TRMT2B: variants seen among roughly 807,000 people sequenced by gnomAD.
The protein encoded by TRMT2B is tRNA (uracil-5-)-methyltransferase homolog B.
In TRMT2B, 34 loss-of-function variants were observed where a neutral mutation model predicts 39.7. The ratio of observed to expected loss-of-function variants is 0.86; its 90% confidence interval spans 0.65 to 1.14. The LOEUF (loss-of-function observed/expected upper bound fraction) is 1.14. Ranked by LOEUF, TRMT2B falls within the 50% of genes most tolerant of loss-of-function variation. TRMT2B has a pLI of 0.00. For synonymous variants in TRMT2B, 132 were observed against 137.3 expected (o/e 0.96, Z 0.27); for missense variants, 318 against 377.2 (o/e 0.84, Z 1.30).
the TRMT2B span, among the ~76,000 whole-genome samples, chrX:100,997,782 TGA>T: frequency 8.9e-6 from 1 of 112,206 alleles, no homozygotes; most frequent in African/African-American, 3.2e-5. Flanking sequence ...GGTGACAAAA[TGA>T]GAGAAATAGC....
At position 101,051,600 on chromosome X, in the gene TRMT2B, G is replaced by A. The variant is rs2089099538; in HGVS notation, c.-373C>T. On this transcript the variant is annotated 5_prime_UTR_variant, in exon 2 of 14. Transcript: ENST00000372936. ...CCCGGGAAGGACAGAAAGTAAGGGA[G>A]TGGGAGGAGTTAGGGCACAGGCCCA... The A allele has an allele frequency of 4.0e-6, 3 of 754,896 alleles. No individual in the cohort carries two copies. Among genetic ancestry groups the A allele is most frequent in the Non-Finnish European group, 4.7e-6 (3 of 639,544 alleles). The allele number at this position is 754,896 out of a possible 1,213,427, so 62.2% of individuals were successfully genotyped here. A position where few individuals can be genotyped will look rare whatever the true frequency, so the allele number is the denominator to read the frequency against.
At chrX:100,980,014 G>A in the TRMT2B span, among the ~76,000 whole-genome samples, 1 of 110,922 alleles carries the variant, frequency 9.0e-6, no homozygotes, top group Non-Finnish European at 1.9e-5. Flanking sequence ...CACTCTTGTG[G>A]CCACGACCAC....
chrX:101,047,782 G>A (rs2088780688), intron 2 of TRMT2B, among the ~76,000 whole-genome samples: 2 of 110,133 alleles, frequency 1.8e-5, no homozygotes, highest in Non-Finnish European at 3.8e-5. Flanking sequence ...AGTAGGCCAA[G>A]ATTGCAACAG....
the TRMT2B span, chrX:100,974,133 G>A: frequency 3.4e-6 from 4 of 1,187,687 alleles, no homozygotes; most frequent in Non-Finnish European, 4.5e-6. Flanking sequence ...CTAGGAATGT[G>A]ACCATCCCTA....
At chrX:100,997,303 T>C in the TRMT2B span, among the ~76,000 whole-genome samples, 1 of 112,366 alleles carries the variant, frequency 8.9e-6, no homozygotes, top group African/African-American at 3.2e-5. Context: ...GTTGTAACTG[T>C]AGTTCAGAAA....
At chrX:100,978,355 C>CT in the TRMT2B span, among the ~76,000 whole-genome samples, 54 of 111,578 alleles carry the variant, frequency 4.8e-4, no homozygotes, top group East Asian at 3.1e-3. Context: ...CTCTTTAGCT[C>CT]TAATAATATT....
chrX:101,045,042 G>T (rs1357934221), intron 2 of TRMT2B, among the ~76,000 whole-genome samples: 3 of 105,194 alleles, frequency 2.9e-5, no homozygotes, highest in Non-Finnish European at 3.9e-5. Flanking sequence ...AAAAAAAAAG[G>T]GGGGGGTGGG....
chrX:101,028,850 G>A (rs2087275088), intron 7 of TRMT2B, among the ~76,000 whole-genome samples: 1 of 110,674 alleles, frequency 9.0e-6, no homozygotes, highest in Non-Finnish European at 1.9e-5. Context: ...ACAGGATATG[G>A]TTGTTTGTTA....
chrX:100,973,661 C>T, the TRMT2B span: 1 of 1,199,117 alleles, frequency 8.3e-7, no homozygotes, highest in African/African-American at 1.7e-5. Context: ...TTTCTTTCTT[C>T]TCTTAATATT....
At chrX:100,988,953 C>T in the TRMT2B span, among the ~76,000 whole-genome samples, 12,843 of 103,575 alleles carry the variant, frequency 0.12, 719 homozygotes, top group Admixed American at 0.16. Context: ...AGGATAATTA[C>T]GCAAGTACCC....
chrX:101,018,882 G>T, intron 13 of TRMT2B, 89 bp downstream of exon 13: 1 of 631,901 alleles, frequency 1.6e-6, no homozygotes, highest in Non-Finnish European at 2.6e-6. Flanking sequence ...TGACTTGAAA[G>T]CTCAAATCAC....
At chrX:101,043,293 G>A (rs2088365394) in intron 2 of TRMT2B, among the ~76,000 whole-genome samples, 1 of 110,417 alleles carries the variant, frequency 9.1e-6, no homozygotes, top group Non-Finnish European at 1.9e-5. Flanking sequence ...TAAATAAGGT[G>A]GGGAGAGGTG....
At chrX:101,046,320 G>A (rs771047953) in intron 2 of TRMT2B, among the ~76,000 whole-genome samples, 1 of 111,464 alleles carries the variant, frequency 9.0e-6, no homozygotes, top group African/African-American at 3.3e-5. Flanking sequence ...CTGGAGGCCT[G>A]GAGGCCAAGG....
At chrX:100,992,130 TATC>T in the TRMT2B span, among the ~76,000 whole-genome samples, 1 of 111,253 alleles carries the variant, frequency 9.0e-6, no homozygotes. Context: ...GATGATGTAT[TATC>T]ATACATACCC....
chrX:101,010,470 A>G lies in TRMT2B; in HGVS notation c.*111T>C. ...GATTCTTCCTATTCACAAACCAAAG[A>G]TTGGTTTCCACTGTAATGCTCCCAG... On this transcript the variant is annotated 3_prime_UTR_variant, in exon 14 of 14. Transcript: ENST00000372936. The G allele has an allele frequency of 1.1e-6, 1 of 915,975 alleles. No homozygotes were observed. The highest frequency in any genetic ancestry group is 1.5e-6 in the Non-Finnish European group (1 of 655,678). 75.5% of individuals were successfully genotyped at this position (915,975 alleles called of 1,213,427 possible).
intron 4 of TRMT2B, 104 bp from the exon 5 acceptor site, chrX:101,038,155 G>T: frequency 1.4e-6 from 1 of 713,674 alleles, no homozygotes; most frequent in African/African-American, 2.1e-5. Flanking sequence ...ATCACCTGAG[G>T]TTAGGAGTTC....
At chrX:101,040,504 G>A (rs761276110) in intron 4 of TRMT2B, among the ~76,000 whole-genome samples, 1 of 110,837 alleles carries the variant, frequency 9.0e-6, no homozygotes, top group African/African-American at 3.3e-5. Flanking sequence ...AGCTGAGTAT[G>A]GTCTCCTTTC....
At chrX:100,987,619 G>A in the TRMT2B span, 19 of 1,144,547 alleles carry the variant, frequency 1.7e-5, no homozygotes, top group African/African-American at 5.4e-5. Context: ...TCTTTCTCAC[G>A]AGCAAGGAGT....
the TRMT2B span, among the ~76,000 whole-genome samples, chrX:100,976,655 C>A: frequency 8.9e-6 from 1 of 112,425 alleles, no homozygotes; most frequent in Non-Finnish European, 1.9e-5. Flanking sequence ...TCTTGTTGCC[C>A]AAGCTGGAGT....
Sources: allele counts gnomAD v4.1 joint callset (sites outside exome capture counted in the v4.1 genomes callset), GRCh38; gene constraint gnomAD v4.1.1; transcripts MANE v1.5; gene names NCBI Gene and HGNC (gene_info 2026-07-23, HGNC 2026-07-21).